Variants in LBP observed in about 807,000 individuals in gnomAD.
LBP encodes lipopolysaccharide-binding protein.
Under a neutral mutation model 56.6 loss-of-function variants are expected in LBP, and 53 were observed. The observed-to-expected ratio is 0.94, with a 90% CI of 0.75 to 1.18. The LOEUF (loss-of-function observed/expected upper bound fraction) is 1.18, where lower values mean the gene tolerates loss of function less well. Among genes scored for constraint, LBP ranks in the 50% most tolerant of loss-of-function variants. The pLI is 0.00. For missense variants in LBP, 601 were observed against 598.3 expected (o/e 1.00, Z -0.05); for synonymous variants, 227 against 247.5 (o/e 0.92, Z 0.78).
chr20:38,352,381 G>A (rs544442282), intron 3 of LBP, among the ~76,000 whole-genome samples: 10 of 151,192 alleles, frequency 6.6e-5, no homozygotes, highest in Non-Finnish European at 1.2e-4. Context: ...TACTTGAAAA[G>A]TGCCTGGTAC....
chr20:38,371,650 C>T (rs1213584280), intron 12 of LBP, among the ~76,000 whole-genome samples: 6 of 152,130 alleles, frequency 3.9e-5, no homozygotes, highest in Non-Finnish European at 7.3e-5. Context: ...AAAACTAAGA[C>T]CAGAGGTTTC....
In LBP at chr20:38,367,550, A is replaced by T. The variant is rs186406309; in HGVS notation, c.981+722A>T. On this transcript the variant is annotated intron_variant, in intron 9 of 14. Coordinates refer to ENST00000217407, the MANE Select transcript of LBP (RefSeq NM_004139.5). ...AGAAGGTTATAGAGTGGAAAGTCTC[A>T]CATCCACTCCTATTCCCTAACCACC... Among the ~76,000 whole-genome samples, 736 of 152,366 alleles carry T rather than the reference A, an allele frequency of 4.8e-3. 8 individuals are homozygous for T. Among genetic ancestry groups the T allele is most frequent in the African/African-American group, 0.017 (716 of 41,590 alleles).
At chr20:38,360,195 C>T (rs1488727414) in intron 5 of LBP, among the ~76,000 whole-genome samples, 1 of 148,914 alleles carries the variant, frequency 6.7e-6, no homozygotes, top group African/African-American at 2.5e-5. Context: ...GAGGTTCACC[C>T]AGGAGGGTGA....
intron 5 of LBP, 88 bp downstream of exon 5, chr20:38,355,497 T>A: frequency 4.2e-6 from 5 of 1,193,252 alleles, no homozygotes; most frequent in Non-Finnish European, 6.2e-6. Context: ...GACCAGGCCA[T>A]GGGGGCTGGT....
At chr20:38,353,056 A>T (rs6014805) in intron 3 of LBP, among the ~76,000 whole-genome samples, 18,999 of 152,128 alleles carry the variant, frequency 0.12, 2,136 homozygotes, top group African/African-American at 0.3. Flanking sequence ...GGAACTGGCC[A>T]CACTCTCTTA....
chr20:38,355,496 A>G, intron 5 of LBP, 87 bp downstream of exon 5: 2 of 1,205,424 alleles, frequency 1.7e-6, no homozygotes, highest in Non-Finnish European at 2.5e-6. Flanking sequence ...GGACCAGGCC[A>G]TGGGGGCTGG....
chr20:38,356,418 G>A (rs201075119), intron 5 of LBP, among the ~76,000 whole-genome samples: 7 of 48,984 alleles, frequency 1.4e-4, no homozygotes, highest in Admixed American at 1.0e-3. Context: ...CCACACACAC[G>A]CGCACACACA....
chr20:38,375,720 T>C (rs1016019650), intron 14 of LBP, among the ~76,000 whole-genome samples: 2 of 152,226 alleles, frequency 1.3e-5, no homozygotes, highest in African/African-American at 2.4e-5. Flanking sequence ...TATCTGTGCT[T>C]CCAATTTTCA....
intron 3 of LBP, among the ~76,000 whole-genome samples, chr20:38,351,250 A>G (rs2076819468): frequency 1.3e-5 from 2 of 152,208 alleles, no homozygotes; most frequent in South Asian, 4.1e-4. Flanking sequence ...CAAGAATTCC[A>G]GTGCAATACT....
intron 6 of LBP, among the ~76,000 whole-genome samples, chr20:38,362,537 T>C (rs1006634878): frequency 1.3e-5 from 2 of 149,654 alleles, no homozygotes; most frequent in Non-Finnish European, 3.0e-5. Context: ...CACTTGAACC[T>C]GGGAGGCGGA....
In LBP at chr20:38,369,023, T is replaced by C; in HGVS notation, c.1010T>C (p.Leu337Pro). The stretch of plus-strand genomic sequence containing the variant: ...GCCAGGCTCTACCCCAACATGAACC[T>C]GGAACTCCAGGGATCAGTGCCCTCT... The part of the protein sequence containing the change: ...RLARLYPNMN[L>P]ELQGSVPSAP... Residue 337 changes from leucine (L) to proline (P), a missense_variant, in exon 10 of 15, where the codon CTG (leucine) becomes CCG (proline). Physicochemically the swap from Leu to Pro is moderately conservative, Grantham distance 98. Transcript: ENST00000217407. 3 of 1,614,170 alleles carry C rather than the reference T, an allele frequency of 1.9e-6. No individual in the cohort carries two copies. Among genetic ancestry groups the C allele is most frequent in the South Asian group, 2.2e-5 (2 of 91,082 alleles).
intron 14 of LBP, among the ~76,000 whole-genome samples, chr20:38,374,638 T>C (rs1382436179): frequency 6.6e-6 from 1 of 151,374 alleles, no homozygotes; most frequent in African/African-American, 2.4e-5. Context: ...GAAAATACTG[T>C]AAGTCCTAGA....
chr20:38,354,686 G>T (rs750391759), intron 4 of LBP, among the ~76,000 whole-genome samples: 2 of 151,964 alleles, frequency 1.3e-5, no homozygotes, highest in Non-Finnish European at 2.9e-5. Flanking sequence ...ATGAAATCTG[G>T]CTATTTGGAG....
intron 12 of LBP, among the ~76,000 whole-genome samples, chr20:38,371,954 A>C (rs2076902330): frequency 6.6e-6 from 1 of 152,252 alleles, no homozygotes; most frequent in Non-Finnish European, 1.5e-5. Flanking sequence ...ATTTGCAGTC[A>C]GCTACATCCA....
intron 4 of LBP, 99 bp downstream of exon 4, chr20:38,354,538 G>A: frequency 9.3e-7 from 1 of 1,077,074 alleles, no homozygotes; most frequent in Non-Finnish European, 1.3e-6. Flanking sequence ...TGATCCAGGT[G>A]GCTTGCACAG....
chr20:38,348,871 G>A (rs1393912098), intron 1 of LBP, among the ~76,000 whole-genome samples: 1 of 151,998 alleles, frequency 6.6e-6, no homozygotes, highest in African/African-American at 2.4e-5. Context: ...TCGGCTCACT[G>A]CAATCTCTGC....
intron 8 of LBP, among the ~76,000 whole-genome samples, chr20:38,365,744 ATT>A (rs1491495088): frequency 4.2e-5 from 6 of 144,476 alleles, no homozygotes; most frequent in African/African-American, 1.3e-4. Context: ...ATATATATAT[ATT>A]TATATGTGAA....
chr20:38,376,599 A>G (rs779026744), intron 14 of LBP, 26 bp from the exon 15 acceptor site: 8 of 1,610,032 alleles, frequency 5.0e-6, no homozygotes, highest in Non-Finnish European at 5.1e-6. Context: ...GCTCTTTACC[A>G]TCCTGTCCTG....
chr20:38,370,830 G>A, intron 11 of LBP, 25 bp downstream of exon 11: 1 of 1,586,308 alleles, frequency 6.3e-7, no homozygotes, highest in Non-Finnish European at 8.7e-7. Context: ...TACCTACATG[G>A]GGGTGCCCAG....
Sources: allele counts gnomAD v4.1 joint callset (sites outside exome capture counted in the v4.1 genomes callset), GRCh38; gene constraint gnomAD v4.1.1; transcripts MANE v1.5; gene names NCBI Gene and HGNC (gene_info 2026-07-23, HGNC 2026-07-21).